The following RALB variants were observed in gnomAD, a reference collection of about 807,000 sequenced individuals.
RALB encodes RAS like proto-oncogene B, also known as ras-related protein Ral-B.
RALB carries 16 observed loss-of-function variants against 21.3 expected under a neutral mutation model. The observed-to-expected ratio is 0.75, with a 90% CI of 0.51 to 1.14. The LOEUF (loss-of-function observed/expected upper bound fraction) is 1.14, where lower values mean the gene tolerates loss of function less well. Among genes scored for constraint, RALB ranks in the 50% most tolerant of loss-of-function variants. RALB has a pLI of 0.00. For missense variants in RALB, 161 were observed against 256.2 expected (o/e 0.63, Z 2.54); for synonymous variants, 93 against 96.1 (o/e 0.97, Z 0.19).
At position 120,278,701 on chromosome 2, in the gene RALB, G is replaced by A. The variant is rs1162605640; in HGVS notation, c.37G>A (p.Ala13Thr). Residue 13 changes from alanine to threonine, a missense_variant, in exon 2 of 5, where the codon GCC becomes ACC. Ala to Thr is a moderately conservative substitution (Grantham distance 58). Coordinates refer to ENST00000272519, the MANE Select transcript of RALB (RefSeq NM_002881.3). ...CAAGAGTAAGGGCCAGAGCTCCTTG[G>A]CCCTCCACAAGGTGATCATGGTTGG... Reference protein sequence around the residue: ...ANKSKGQSSLALHKVIMVGSG... With the variant: ...ANKSKGQSSLTLHKVIMVGSG... 3 of 1,599,764 alleles carry A rather than the reference G, an allele frequency of 1.9e-6. No individual in the cohort carries two copies. The highest frequency in any genetic ancestry group is 2.6e-6 in the Non-Finnish European group (3 of 1,172,454).
intron 1 of RALB, chr2:120,253,701 A>C: frequency 1.0e-6 from 1 of 985,384 alleles, no homozygotes; most frequent in Non-Finnish European, 1.2e-6. Flanking sequence ...ATTTCCAACG[A>C]GAAACGTTGG....
intron 1 of RALB, among the ~76,000 whole-genome samples, chr2:120,269,304 A>G (rs959635190): frequency 6.6e-6 from 1 of 152,200 alleles, no homozygotes. Context: ...AAACCTTCGC[A>G]GTGAGTGTTA....
At chr2:120,250,773 G>A (rs1175729684), upstream of RALB, among the ~76,000 whole-genome samples, 2 of 152,210 alleles carry the variant, frequency 1.3e-5, no homozygotes, top group Non-Finnish European at 2.9e-5. Flanking sequence ...AGGCAGCTGA[G>A]GCTGGTGGCC....
Position 120,294,258 on chromosome 2 carries a change from C to T in RALB, c.*998C>T, listed in dbSNP as rs1690371902. On this transcript the variant is annotated 3_prime_UTR_variant, in exon 5 of 5. Coordinates refer to ENST00000272519, the MANE Select transcript of RALB (RefSeq NM_002881.3). Reference sequence around the variant, plus strand: ...CATGAAGCCAGAGCCTGTGCCAGACCTTCTGCTACCTCTCATAGAATTGCT... The same window carrying T: ...CATGAAGCCAGAGCCTGTGCCAGACTTTCTGCTACCTCTCATAGAATTGCT... 1 of 398,490 alleles carries T rather than the reference C, an allele frequency of 2.5e-6. No individual in the cohort carries two copies. The allele number at this position is 398,490 out of a possible 1,614,324, so 24.7% of individuals were successfully genotyped here.
upstream of RALB, among the ~76,000 whole-genome samples, chr2:120,252,036 C>T (rs1689066563): frequency 6.6e-6 from 1 of 152,186 alleles, no homozygotes; most frequent in South Asian, 2.1e-4. Context: ...AGTTCCCTCC[C>T]TTAGAGATAA....
At chr2:120,253,978 A>G (rs760966973) in intron 1 of RALB, among the ~76,000 whole-genome samples, 1 of 152,194 alleles carries the variant, frequency 6.6e-6, no homozygotes, top group Non-Finnish European at 1.5e-5. Flanking sequence ...TGTTCCAAGC[A>G]GAGCCATAAG....
chr2:120,260,604 G>A (rs917317609), intron 1 of RALB, among the ~76,000 whole-genome samples: 1 of 152,214 alleles, frequency 6.6e-6, no homozygotes, highest in East Asian at 1.9e-4. Context: ...GGAATGCCTG[G>A]CAAGTGGCGC....
intron 1 of RALB, among the ~76,000 whole-genome samples, chr2:120,263,875 T>A (rs1173197826): frequency 6.6e-6 from 1 of 151,128 alleles, no homozygotes; most frequent in Non-Finnish European, 1.5e-5. Context: ...TGATACAGAG[T>A]CTTGCTCTGT....
intron 4 of RALB, among the ~76,000 whole-genome samples, chr2:120,292,087 G>A (rs1028265038): frequency 6.8e-4 from 103 of 152,294 alleles, no homozygotes; most frequent in African/African-American, 2.3e-3. Flanking sequence ...CATGATGGCT[G>A]GTAGCAGAGG....
intron 3 of RALB, among the ~76,000 whole-genome samples, chr2:120,288,985 C>G (rs1378633808): frequency 6.6e-6 from 1 of 152,168 alleles, no homozygotes; most frequent in Non-Finnish European, 1.5e-5. Flanking sequence ...ACCTTTCCTA[C>G]TTGAGATTCC....
upstream of RALB, among the ~76,000 whole-genome samples, chr2:120,248,664 C>CT (rs1428797282): frequency 1.3e-5 from 2 of 152,108 alleles, no homozygotes; most frequent in Admixed American, 6.5e-5. Context: ...AATGTTTTTT[C>CT]TTTTTTCTGA....
chr2:120,253,824 G>A (rs1689123795), intron 1 of RALB: 1 of 509,578 alleles, frequency 2.0e-6, no homozygotes, highest in South Asian at 8.4e-5. Context: ...GGTTACCTGT[G>A]ACTCATCTTC....
At chr2:120,271,204 C>T (rs574807868) in intron 1 of RALB, among the ~76,000 whole-genome samples, 48 of 152,288 alleles carry the variant, frequency 3.2e-4, no homozygotes, top group African/African-American at 1.1e-3. Context: ...TAGTAGAAAC[C>T]ACCTCTTCCT....
intron 1 of RALB, among the ~76,000 whole-genome samples, chr2:120,243,235 G>A (rs1383441529): frequency 6.6e-6 from 1 of 152,228 alleles, no homozygotes; most frequent in Non-Finnish European, 1.5e-5. Flanking sequence ...AAGAGGACAA[G>A]GGCCATGTAA....
At chr2:120,279,791 C>T (rs996982363) in intron 2 of RALB, among the ~76,000 whole-genome samples, 1 of 152,208 alleles carries the variant, frequency 6.6e-6, no homozygotes, top group Non-Finnish European at 1.5e-5. Flanking sequence ...CGAAAGAAAG[C>T]TATCACAACC....
chr2:120,245,428 A>G (rs1688955404), intron 1 of RALB, among the ~76,000 whole-genome samples: 1 of 151,962 alleles, frequency 6.6e-6, no homozygotes, highest in Non-Finnish European at 1.5e-5. Flanking sequence ...GTGCTCTGCA[A>G]TGTCACTTGA....
chr2:120,271,819 G>A (rs887095434), intron 1 of RALB, among the ~76,000 whole-genome samples: 5 of 152,192 alleles, frequency 3.3e-5, no homozygotes, highest in Non-Finnish European at 7.3e-5. Context: ...ATCTTTGCAT[G>A]TGAGAAATTA....
At chr2:120,253,404 G>T (rs1171307782) in intron 1 of RALB, 17 of 985,614 alleles carry the variant, frequency 1.7e-5, no homozygotes, top group Non-Finnish European at 2.0e-5. Context: ...ACTTGCACGC[G>T]CCGTGAACTG....
At chr2:120,244,298 G>C (rs1324921231) in intron 1 of RALB, among the ~76,000 whole-genome samples, 1 of 152,228 alleles carries the variant, frequency 6.6e-6, no homozygotes, top group Non-Finnish European at 1.5e-5. Flanking sequence ...CCCAGGCCCA[G>C]GCTCAGGCCC....
Sources: gnomAD v4.1 joint callset for allele counts (sites outside exome capture counted in the v4.1 genomes callset) on GRCh38, gnomAD v4.1.1 for gene constraint, MANE v1.5 for transcripts, NCBI Gene and HGNC (gene_info 2026-07-23, HGNC 2026-07-21) for gene names.